Variants in FARP1 observed in about 807,000 individuals in gnomAD.
FARP1 encodes FERM, ARH/RhoGEF and pleckstrin domain protein 1.
A neutral mutation model predicts 128.8 loss-of-function variants in FARP1; 52 were observed. The observed-to-expected ratio is 0.40, with a 90% CI of 0.32 to 0.51. FARP1 has a LOEUF of 0.51. Among genes scored for constraint, FARP1 ranks in the 20% least tolerant of loss-of-function variants. The pLI, the probability that FARP1 is intolerant of heterozygous loss-of-function variation, is 0.45. For missense variants in FARP1, 1,333 were observed against 1,367.9 expected (o/e 0.97, Z 0.40); for synonymous variants, 580 against 551.8 (o/e 1.05, Z -0.72).
intron 2 of FARP1, among the ~76,000 whole-genome samples, chr13:98,228,869 G>A (rs990349747): frequency 6.6e-6 from 1 of 152,156 alleles, no homozygotes; most frequent in African/African-American, 2.4e-5. Context: ...AGTTACTAAA[G>A]GGATTAGATG....
At chr13:98,443,611 G>C (rs147267775) in intron 24 of FARP1, among the ~76,000 whole-genome samples, 127 of 152,264 alleles carry the variant, frequency 8.3e-4, no homozygotes, top group African/African-American at 3.0e-3. Context: ...GGGCGTATCT[G>C]GGGACCGTGT....
At chr13:98,143,892 C>T (rs1349038475) in intron 1 of FARP1, among the ~76,000 whole-genome samples, 5 of 151,932 alleles carry the variant, frequency 3.3e-5, no homozygotes, top group South Asian at 4.1e-4. Context: ...GCAATCTCGG[C>T]CCCTGAGGCC....
intron 2 of FARP1, among the ~76,000 whole-genome samples, chr13:98,272,135 T>G (rs978902278): frequency 5.3e-5 from 8 of 152,106 alleles, no homozygotes; most frequent in Non-Finnish European, 1.0e-4. Context: ...GTTCAAGTGA[T>G]TCTCCTGCCT....
chr13:98,249,105 T>C (rs571826004), intron 2 of FARP1, among the ~76,000 whole-genome samples: 26 of 152,322 alleles, frequency 1.7e-4, no homozygotes, highest in African/African-American at 5.8e-4. Context: ...TCTAATCTTG[T>C]ATTTCTCCTA....
At chr13:98,347,430 CT>C (rs1888227816) in intron 3 of FARP1, among the ~76,000 whole-genome samples, 1 of 152,172 alleles carries the variant, frequency 6.6e-6, no homozygotes, top group African/African-American at 2.4e-5. Context: ...TCCCCAGCCC[CT>C]GTTCTACTTT....
At chr13:98,219,440 A>G (rs1881284953) in intron 2 of FARP1, among the ~76,000 whole-genome samples, 1 of 150,918 alleles carries the variant, frequency 6.6e-6, no homozygotes, top group Non-Finnish European at 1.5e-5. Context: ...CTGCAGCCTC[A>G]AACTCCTGCC....
intron 11 of FARP1, among the ~76,000 whole-genome samples, chr13:98,391,315 G>A (rs1890295733): frequency 6.6e-6 from 1 of 152,150 alleles, no homozygotes; most frequent in African/African-American, 2.4e-5. Context: ...GTCTTGCTCT[G>A]TTGCCCAGGC....
chr13:98,438,125 G>C (rs1194533121), intron 19 of FARP1, among the ~76,000 whole-genome samples: 7 of 152,256 alleles, frequency 4.6e-5, no homozygotes, highest in Admixed American at 3.3e-4. Flanking sequence ...GTTTTTAAGT[G>C]CTTGTGCCCC....
At chr13:98,371,734 A>C (rs1247211504) in intron 5 of FARP1, among the ~76,000 whole-genome samples, 2 of 152,040 alleles carry the variant, frequency 1.3e-5, no homozygotes, top group Non-Finnish European at 2.9e-5. Context: ...ATGCTGGGAG[A>C]AGCTCCATGT....
intron 3 of FARP1, among the ~76,000 whole-genome samples, chr13:98,361,993 G>A (rs1230569800): frequency 6.6e-6 from 1 of 152,234 alleles, no homozygotes; most frequent in Non-Finnish European, 1.5e-5. Context: ...GTTGGGCAAA[G>A]TGGCTCATGC....
rs201423839 is a variant in FARP1, at chr13:98,450,043, T to A, written c.*1726T>A. 2.6e-4 allele frequency: 22 copies of A among 83,756 alleles called. No individual in the cohort carries two copies. The highest frequency in any genetic ancestry group is 7.2e-4 in the African/African-American group (18 of 24,892). The allele number at this position is 83,756 out of a possible 1,614,324, so 5.2% of individuals were successfully genotyped here. A position where few individuals can be genotyped will look rare whatever the true frequency, so the allele number is the denominator to read the frequency against. Reference sequence around the variant, plus strand: ...TCCTCAGCTATTTATTTCTGAATGATTGATTGATTCCAAACTACTTGCTGG... The same window carrying A: ...TCCTCAGCTATTTATTTCTGAATGAATGATTGATTCCAAACTACTTGCTGG... On this transcript the variant is annotated 3_prime_UTR_variant, in exon 27 of 27. Transcript: ENST00000319562.
intron 2 of FARP1, among the ~76,000 whole-genome samples, chr13:98,337,081 T>C (rs914125312): frequency 4.6e-5 from 7 of 152,114 alleles, no homozygotes; most frequent in African/African-American, 1.7e-4. Context: ...TAAACATTCA[T>C]TTGGGCCAGG....
rs746373395 is a variant in FARP1, at chr13:98,295,046, TACACACACACACACACACACACACAC to T, written c.172-48682_172-48657del. On this transcript the variant is annotated intron_variant, in intron 2 of 26. Coordinates refer to ENST00000319562, the MANE Select transcript of FARP1 (RefSeq NM_005766.4). ...AAAAAAAAATTATATATATATATATTACACACACACACACACACACACACACACACACACACACACACACACACACA... is the reference window on the plus strand; with the variant it reads ...AAAAAAAAATTATATATATATATATTACACACACACACACACACACACACA... 6.1e-4 allele frequency among the ~76,000 whole-genome samples: 66 copies of T among 108,384 alleles called. 1 individual carries two copies. The highest frequency in any genetic ancestry group is 1.9e-3 in the African/African-American group (54 of 27,780). The allele number at this position is 108,384 out of a possible 152,430, so 71.1% of individuals were successfully genotyped here. A position where few individuals can be genotyped will look rare whatever the true frequency, so the allele number is the denominator to read the frequency against.
chr13:98,309,947 C>G (rs1277702379), intron 2 of FARP1, among the ~76,000 whole-genome samples: 4 of 152,218 alleles, frequency 2.6e-5, no homozygotes, highest in Non-Finnish European at 5.9e-5. Context: ...TCCCCATACA[C>G]TTGGGATACT....
intron 2 of FARP1, among the ~76,000 whole-genome samples, chr13:98,218,102 C>T (rs1881193099): frequency 6.6e-6 from 1 of 152,112 alleles, no homozygotes; most frequent in African/African-American, 2.4e-5. Flanking sequence ...GAGGTGGTCC[C>T]TGTTCAGCTT....
At position 98,181,627 on chromosome 13, in the gene FARP1, T is replaced by TGAGAGAGAGAGAG. The variant is rs1410176235; in HGVS notation, c.-23-31593_-23-31592insGAGAGAGAGAGAG. Among the ~76,000 whole-genome samples the TGAGAGAGAGAGAG allele has an allele frequency of 4.9e-3, 513 of 104,190 alleles. 2 individuals carry two copies. Among genetic ancestry groups the TGAGAGAGAGAGAG allele is most frequent in the African/African-American group, 0.021 (500 of 23,834 alleles). The allele number at this position is 104,190 out of a possible 152,430, so 68.4% of individuals were successfully genotyped here. A position where few individuals can be genotyped will look rare whatever the true frequency, so the allele number is the denominator to read the frequency against. On this transcript the variant is annotated intron_variant, in intron 1 of 26. Transcript: ENST00000319562. ...TTATTTATTTATTTATTTATTTATTTATTTATTTATTTATTTGAGAGAGAG... is the reference window on the plus strand; with the variant it reads ...TTATTTATTTATTTATTTATTTATTTGAGAGAGAGAGAGATTTATTTATTTATTTGAGAGAGAG...
chr13:98,251,539 T>C (rs896629355), intron 2 of FARP1, among the ~76,000 whole-genome samples: 5 of 151,700 alleles, frequency 3.3e-5, no homozygotes, highest in Non-Finnish European at 7.4e-5. Flanking sequence ...AAAAATTAGC[T>C]GGGCATGGTG....
rs146480926 is a variant in FARP1 at position 98,182,788 on chromosome 13, A to T, written c.-23-30432A>T. Among the ~76,000 whole-genome samples the T allele has an allele frequency of 2.0e-5, 3 of 152,298 alleles. No individual in the cohort carries two copies. In the East Asian group the frequency reaches 5.8e-4, roughly 29 times the overall value. On this transcript the variant is annotated intron_variant, in intron 1 of 26. Transcript: ENST00000319562. ...TTCTTGCCCTCAGAATTTCTTAGAC[A>T]TTGCTCCCATTCTTTTTTAGCACTG...
At chr13:98,291,476 A>G (rs1885442814) in intron 2 of FARP1, among the ~76,000 whole-genome samples, 1 of 152,192 alleles carries the variant, frequency 6.6e-6, no homozygotes, top group East Asian at 1.9e-4. Flanking sequence ...GGTCTGTGAA[A>G]CTGGCCTTTG....
Sources: allele counts gnomAD v4.1 joint callset (sites outside exome capture counted in the v4.1 genomes callset), GRCh38; gene constraint gnomAD v4.1.1; transcripts MANE v1.5; gene names NCBI Gene and HGNC (gene_info 2026-07-23, HGNC 2026-07-21).